Variants in SCAP observed in about 807,000 individuals in gnomAD.
SCAP encodes the protein SREBF chaperone.
SCAP carries 65 observed loss-of-function variants against 123.6 expected under a neutral mutation model. The observed-to-expected ratio is 0.53, with a 90% CI of 0.43 to 0.65. The LOEUF (loss-of-function observed/expected upper bound fraction) is 0.65. SCAP is among the 30% of genes least tolerant of loss of function. SCAP has a pLI of 0.00. For synonymous variants in SCAP, 740 were observed against 726.3 expected, an observed-to-expected ratio of 1.02 and a Z score of -0.30; for missense variants, 1,398 against 1,712.5, an observed-to-expected ratio of 0.82 and a Z score of 3.24.
rs779021315 is a variant in SCAP, at chr3:47,418,148, G to A, written c.2433C>T (p.Arg811=). The change falls in exon 16 of 23, where the codon CGC becomes CGT. Residue 811 remains arginine, a synonymous_variant. Transcript: ENST00000265565. Reference sequence around the variant, plus strand: ...GCCGCACCTACCCTGGGCGCGGAATGCGCGTTAGGCAATCCCCGGTCTGCG... The same window carrying A: ...GCCGCACCTACCCTGGGCGCGGAATACGCGTTAGGCAATCCCCGGTCTGCG... The part of the protein sequence containing the change: ...WDAQTGDCLT[R]IPRPGRQRRD... 1.9e-6 allele frequency: 3 copies of A among 1,564,698 alleles called. No homozygotes were observed. In the East Asian group the frequency reaches 7.1e-5, roughly 37 times the overall value.
At chr3:47,442,802 T>G (rs1450826576) in intron 2 of SCAP, 70 bp downstream of exon 2, 2 of 1,406,876 alleles carry the variant, frequency 1.4e-6, no homozygotes, top group African/African-American at 2.8e-5. Context: ...GGCTCCATAG[T>G]GGTTAGGGTT....
rs554224132 is a variant in SCAP at position 47,439,517 on chromosome 3, T to G, written c.122+3355A>C. Among the ~76,000 whole-genome samples, 1 of 152,322 alleles carries G rather than the reference T, an allele frequency of 6.6e-6. No individual in the cohort carries two copies. Among genetic ancestry groups the G allele is most frequent in the African/African-American group, 2.4e-5 (1 of 41,576 alleles). ...CAAATGTCTCAATGATTCACATCAC[T>G]CTCTGACCTGCACATAGGGCAGTCC... On this transcript the variant is annotated intron_variant, in intron 2 of 22. Transcript: ENST00000265565. This position sits in a 1 kb window ranked among gnomAD's most constrained non-coding sequence, Gnocchi z 4.0.
intron 18 of SCAP, among the ~76,000 whole-genome samples, chr3:47,416,498 G>A (rs556882126): frequency 6.6e-6 from 1 of 152,144 alleles, no homozygotes; most frequent in African/African-American, 2.4e-5. Context: ...AGAGAAACTG[G>A]CTTCATTGAG....
intron 7 of SCAP, 65 bp from the exon 8 acceptor site, chr3:47,425,676 G>A (rs538284514): frequency 1.4e-4 from 214 of 1,569,610 alleles, no homozygotes; most frequent in African/African-American, 1.0e-3. Flanking sequence ...TGGGGCTCCC[G>A]GGAGTAGGTT....
intron 1 of SCAP, among the ~76,000 whole-genome samples, chr3:47,450,006 TTC>T (rs1707184106): frequency 8.0e-6 from 1 of 125,446 alleles, no homozygotes; most frequent in South Asian, 2.9e-4. Context: ...AAACTTTTTT[TTC>T]TTTTTTTGAG....
At chr3:47,417,090 G>A in intron 18 of SCAP, 32 bp downstream of exon 18, 3 of 1,597,462 alleles carry the variant, frequency 1.9e-6, no homozygotes, top group Non-Finnish European at 2.6e-6. Flanking sequence ...CAAAGGCTGG[G>A]GACATCTGGG....
In SCAP at chr3:47,428,534, C is replaced by T. The variant is rs190898633; in HGVS notation, c.389G>A (p.Arg130Gln). The change falls in exon 4 of 23, where the codon CGG (arginine) becomes CAG (glutamine). Residue 130 changes from arginine to glutamine, a missense_variant. Physicochemically the swap from Arg to Gln is conservative, Grantham distance 43. Coordinates refer to ENST00000265565, the MANE Select transcript of SCAP (RefSeq NM_012235.4). ...GTACCTGTCTCTCAGCACGTGGTTC[C>T]GGATCTCCTCCACCAGTTGGAATGC... is the stretch of plus-strand genomic sequence containing the variant. ...SRAFQLVEEI[R>Q]NHVLRDSSGI... 6.8e-6 allele frequency: 11 copies of T among 1,614,112 alleles called. No homozygotes were observed. In the East Asian group the frequency reaches 8.9e-5, roughly 13 times the overall value.
chr3:47,459,916 A>G (rs748555146), intron 1 of SCAP, among the ~76,000 whole-genome samples: 15 of 152,178 alleles, frequency 9.9e-5, no homozygotes, highest in Non-Finnish European at 1.8e-4. Context: ...TCTCAACCGC[A>G]TAAGACAGAC....
chr3:47,422,770 AGAG>A (rs1405773034), intron 9 of SCAP: 2 of 453,002 alleles, frequency 4.4e-6, no homozygotes, highest in Non-Finnish European at 7.9e-6. Flanking sequence ...TGGAGGGTGC[AGAG>A]GAGAGCTATA....
intron 10 of SCAP, chr3:47,421,316 C>G (rs1246283371): frequency 1.1e-5 from 4 of 369,050 alleles, no homozygotes; most frequent in Non-Finnish European, 2.1e-5. Flanking sequence ...GACTGAAGGC[C>G]TGATCCAACC....
In SCAP at chr3:47,420,700, G is replaced by T; in HGVS notation, c.1417C>A (p.Arg473Ser). The stretch of plus-strand genomic sequence containing the variant: ...CTCACAGCCAGCTGCCGCTCGTAGC[G>T]CGTTGGCTGTCCCACTGGCTTGGCT... The part of the protein sequence containing the change: ...PSAKPVGQPT[R>S]YERQLAVRPS... Residue 473 changes from arginine (R) to serine (S), a missense_variant, in exon 12 of 23, where the codon CGC becomes AGC. Arg to Ser is a moderately radical substitution (Grantham distance 110). This residue lies in a region of SCAP where 828 missense variants were observed against 882.5 expected (regional missense o/e 0.94). Coordinates refer to ENST00000265565, the MANE Select transcript of SCAP (RefSeq NM_012235.4). This position sits in a 1 kb window ranked among gnomAD's most constrained non-coding sequence, Gnocchi z 5.0. 1 of 1,611,682 alleles carries T rather than the reference G, an allele frequency of 6.2e-7. No homozygotes were observed. Among genetic ancestry groups the T allele is most frequent in the African/African-American group, 1.3e-5 (1 of 75,004 alleles).
intron 1 of SCAP, chr3:47,475,312 T>C (rs1446755899): frequency 6.6e-6 from 1 of 152,238 alleles, no homozygotes; most frequent in Non-Finnish European, 1.5e-5. Context: ...GCAACATTAG[T>C]GAGCAAAGTT....
chr3:47,442,372 C>G (rs1706841148), intron 2 of SCAP, among the ~76,000 whole-genome samples: 2 of 152,118 alleles, frequency 1.3e-5, no homozygotes, highest in Admixed American at 1.3e-4. Flanking sequence ...CAGCTGGCCA[C>G]AAGAATCAAC....
At chr3:47,432,984 T>C (rs1410961888) in intron 3 of SCAP, among the ~76,000 whole-genome samples, 3 of 152,124 alleles carry the variant, frequency 2.0e-5, no homozygotes, top group East Asian at 1.9e-4. Context: ...CTCCACTGGA[T>C]TGGATGATGC....
intron 18 of SCAP, 115 bp downstream of exon 18, chr3:47,417,007 G>T: frequency 1.1e-6 from 1 of 876,352 alleles, no homozygotes; most frequent in Non-Finnish European, 1.8e-6. Flanking sequence ...CACCAAGAAG[G>T]TCAATCGAAT....
In SCAP at chr3:47,417,135, A is replaced by C; in HGVS notation, c.3043T>G (p.Phe1015Val). Reference sequence around the variant, plus strand: ...GGCCACGCTCACCTTTTGTCCAAGAACACCAGAGCGGTAATGCCTGAGGAG... The same window carrying C: ...GGCCACGCTCACCTTTTGTCCAAGACCACCAGAGCGGTAATGCCTGAGGAG... Reference protein sequence around the residue: ...EVSSGITALVFLDKRIVAARL... With the variant: ...EVSSGITALVVLDKRIVAARL... The change falls in exon 18 of 23, where the codon TTC becomes GTC. Residue 1015 changes from phenylalanine (F) to valine (V), a missense_variant. By Grantham distance (50) the Phe-to-Val change is conservative (BLOSUM62 -1). This residue lies in a region of SCAP where 828 missense variants were observed against 882.5 expected (regional missense o/e 0.94). Transcript: ENST00000265565. 6.2e-7 allele frequency: 1 copy of C among 1,613,048 alleles called. No homozygotes were observed. The highest frequency in any genetic ancestry group is 8.5e-7 in the Non-Finnish European group (1 of 1,179,984).
At chr3:47,432,826 C>T (rs1706421833) in intron 3 of SCAP, among the ~76,000 whole-genome samples, 1 of 152,154 alleles carries the variant, frequency 6.6e-6, no homozygotes, top group Non-Finnish European at 1.5e-5. Context: ...CACCACTGCA[C>T]CCGGCCCTAT....
intron 2 of SCAP, among the ~76,000 whole-genome samples, chr3:47,442,502 G>T (rs1434404009): frequency 6.6e-6 from 1 of 152,136 alleles, no homozygotes; most frequent in East Asian, 1.9e-4. Context: ...ACTTTGCCTC[G>T]CAACACACAA....
At chr3:47,431,657 G>C (rs1706363352) in intron 3 of SCAP, among the ~76,000 whole-genome samples, 1 of 152,094 alleles carries the variant, frequency 6.6e-6, no homozygotes, top group African/African-American at 2.4e-5. Context: ...TGCGGTTATG[G>C]GTTTGGGAGA....
Sources: allele counts gnomAD v4.1 joint callset (sites outside exome capture counted in the v4.1 genomes callset), GRCh38; gene constraint gnomAD v4.1.1; regional missense constraint gnomAD v4.1.1; non-coding constraint Gnocchi (gnomAD v3.1); transcripts MANE v1.5; gene names NCBI Gene and HGNC (gene_info 2026-07-23, HGNC 2026-07-21).